Variants in CDK14 observed in about 807,000 individuals in gnomAD.
CDK14 encodes cyclin-dependent kinase 14.
CDK14 carries 34 observed loss-of-function variants against 60.7 expected under a neutral mutation model. The observed-to-expected ratio is 0.56, with a 90% CI of 0.43 to 0.75. The LOEUF is 0.75. CDK14 is among the 30% of genes least tolerant of loss of function. The pLI is 0.00. For missense variants in CDK14, 482 were observed against 564.1 expected (o/e 0.85, Z 1.47); for synonymous variants, 197 against 203.7 (o/e 0.97, Z 0.28).
At chr7:90,760,765 TA>T (rs879281290) in intron 4 of CDK14, among the ~76,000 whole-genome samples, 1 of 152,192 alleles carries the variant, frequency 6.6e-6, no homozygotes, top group Admixed American at 6.5e-5. Flanking sequence ...TATAACAGGA[TA>T]AACTGAGGGA....
At chr7:91,152,137 A>G (rs1212647181) in intron 14 of CDK14, among the ~76,000 whole-genome samples, 2 of 152,190 alleles carry the variant, frequency 1.3e-5, no homozygotes, top group African/African-American at 4.8e-5. Flanking sequence ...CCGCTTATTC[A>G]TAGTGTTGTG....
chr7:90,843,620 G>T (rs968216237), intron 5 of CDK14, among the ~76,000 whole-genome samples: 2 of 152,106 alleles, frequency 1.3e-5, no homozygotes, highest in African/African-American at 2.4e-5. Flanking sequence ...GAATTCTTTG[G>T]CTTGAGACCC....
chr7:91,184,203 T>TAAAAAAAAAA (rs1354509566), intron 14 of CDK14, among the ~76,000 whole-genome samples: 1 of 1,896 alleles, frequency 5.3e-4, no homozygotes, highest in Admixed American at 6.3e-3. Flanking sequence ...AGGCTCCGTC[T>TAAAAAAAAAA]TAAAAAAAAA....
intron 10 of CDK14, among the ~76,000 whole-genome samples, chr7:90,997,601 T>C (rs1346926376): frequency 6.6e-6 from 1 of 152,254 alleles, no homozygotes; most frequent in East Asian, 1.9e-4. Flanking sequence ...AACAAATTAC[T>C]ATCAATTTGC....
At chr7:91,071,432 G>C (rs1243671086) in intron 11 of CDK14, among the ~76,000 whole-genome samples, 2 of 152,170 alleles carry the variant, frequency 1.3e-5, no homozygotes, top group Non-Finnish European at 2.9e-5. Context: ...GAGCCACATG[G>C]GGCAGGGGAC....
intron 11 of CDK14, among the ~76,000 whole-genome samples, chr7:91,056,041 C>G (rs998030735): frequency 1.3e-5 from 2 of 152,154 alleles, no homozygotes; most frequent in Non-Finnish European, 2.9e-5. Context: ...TCACCCTGAA[C>G]TTTTAGGTCC....
chr7:90,733,833 G>A (rs1022957456), intron 3 of CDK14, among the ~76,000 whole-genome samples: 1 of 152,180 alleles, frequency 6.6e-6, no homozygotes, highest in Non-Finnish European at 1.5e-5. Context: ...TGTTAGGTGT[G>A]AATTCGATCG....
chr7:91,098,588 G>A (rs1369490696), intron 12 of CDK14, among the ~76,000 whole-genome samples: 1 of 151,096 alleles, frequency 6.6e-6, no homozygotes, highest in African/African-American at 2.4e-5. Context: ...TATCAACATA[G>A]AGTGCTAAAC....
At chr7:90,808,129 T>A (rs982953920) in intron 5 of CDK14, among the ~76,000 whole-genome samples, 4 of 152,018 alleles carry the variant, frequency 2.6e-5, no homozygotes, top group African/African-American at 9.7e-5. Flanking sequence ...ACAAAGATAC[T>A]CCTCGAGAAG....
intron 4 of CDK14, among the ~76,000 whole-genome samples, chr7:90,754,966 G>C (rs887063961): frequency 1.3e-5 from 2 of 151,938 alleles, no homozygotes; most frequent in Non-Finnish European, 2.9e-5. Flanking sequence ...TCAAAAACAG[G>C]TGCTGGGAAG....
intron 8 of CDK14, among the ~76,000 whole-genome samples, chr7:90,949,195 GTTTGT>G (rs540771284): frequency 1.0e-3 from 154 of 151,456 alleles, no homozygotes; most frequent in Non-Finnish European, 1.3e-3. Flanking sequence ...TTTTTTATTT[GTTTGT>G]TTTGTTTTGT....
chr7:91,039,928 A>G (rs1194110420), intron 10 of CDK14, among the ~76,000 whole-genome samples: 1 of 152,074 alleles, frequency 6.6e-6, no homozygotes, highest in Non-Finnish European at 1.5e-5. Context: ...CTCTATAAAA[A>G]ATAAAAAATT....
At chr7:90,841,720 G>A (rs910264094) in intron 5 of CDK14, among the ~76,000 whole-genome samples, 11 of 144,508 alleles carry the variant, frequency 7.6e-5, no homozygotes, top group African/African-American at 2.8e-4. Context: ...TGGAACAAAA[G>A]GAGCTGGGAA....
intron 3 of CDK14, among the ~76,000 whole-genome samples, chr7:90,735,616 T>G (rs1235312808): frequency 2.6e-5 from 4 of 152,230 alleles, no homozygotes; most frequent in Non-Finnish European, 5.9e-5. Flanking sequence ...GATGGCTTTG[T>G]TTACACTGTG....
At chr7:90,865,572 G>A (rs895083462) in intron 6 of CDK14, among the ~76,000 whole-genome samples, 9 of 152,134 alleles carry the variant, frequency 5.9e-5, no homozygotes, top group Non-Finnish European at 1.3e-4. Flanking sequence ...TAAACATTAA[G>A]TGCCTTGGAA....
chr7:90,668,701 T>A (rs1290844687), intron 2 of CDK14, among the ~76,000 whole-genome samples: 65 of 3,776 alleles, frequency 0.017, 1 homozygote, highest in South Asian at 0.11. Context: ...CTCGCATTCT[T>A]TTTTTTTTTT....
intron 14 of CDK14, among the ~76,000 whole-genome samples, chr7:91,178,759 T>C (rs1399680293): frequency 2.0e-5 from 3 of 151,206 alleles, no homozygotes; most frequent in African/African-American, 7.3e-5. Flanking sequence ...CACTATTAGA[T>C]ACCATCTCAC....
At chr7:91,141,053 G>T (rs1800440828) in intron 14 of CDK14, among the ~76,000 whole-genome samples, 1 of 152,140 alleles carries the variant, frequency 6.6e-6, no homozygotes, top group African/African-American at 2.4e-5. Flanking sequence ...TGTGGAAATT[G>T]GGAAAAGAGA....
chr7:90,635,826 G>T (rs1420568426), intron 2 of CDK14, among the ~76,000 whole-genome samples: 1 of 151,790 alleles, frequency 6.6e-6, no homozygotes, highest in Non-Finnish European at 1.5e-5. Flanking sequence ...GTGGTTTGTA[G>T]TTCTCCTTGA....
Sources: allele counts gnomAD v4.1 joint callset (sites outside exome capture counted in the v4.1 genomes callset), GRCh38; gene constraint gnomAD v4.1.1; transcripts MANE v1.5; gene names NCBI Gene and HGNC (gene_info 2026-07-23, HGNC 2026-07-21).